The following MCPH1 variants were observed in gnomAD, a reference collection of about 807,000 sequenced individuals.
MCPH1 encodes the protein microcephalin 1, also known as microcephalin.
MCPH1 carries 104 observed loss-of-function variants against 84.5 expected under a neutral mutation model. The observed-to-expected ratio is 1.23, with a 90% CI of 1.05 to 1.45. The LOEUF is 1.45. Ranked by LOEUF, MCPH1 falls within the 40% of genes most tolerant of loss-of-function variation. The probability of loss-of-function intolerance (pLI) is 0.00; values close to 1 mark genes in which losing one functional copy is unlikely to be tolerated. For missense variants in MCPH1, 1,498 were observed against 1,005.7 expected, an observed-to-expected ratio of 1.49 and a Z score of -6.62; for synonymous variants, 514 against 366.8, an observed-to-expected ratio of 1.40 and a Z score of -4.58.
chr8:6,569,413 T>G (rs1010125756), intron 12 of MCPH1, among the ~76,000 whole-genome samples: 8 of 152,160 alleles, frequency 5.3e-5, no homozygotes, highest in Admixed American at 5.2e-4. Context: ...CCATTTCCAT[T>G]CCCCAGTGCT....
At chr8:6,444,263 C>T in intron 7 of MCPH1, 130 bp from the exon 8 acceptor site, 2 of 1,051,444 alleles carry the variant, frequency 1.9e-6, no homozygotes, top group Non-Finnish European at 2.8e-6. Context: ...ATGAGAAGAA[C>T]TCAAGTGTGG....
rs1385678252 is a variant in MCPH1, at chr8:6,445,695, G to A, written c.1825+148G>A. The stretch of plus-strand genomic sequence containing the variant: ...AGAATGTGCATTTGATCATTCCAAT[G>A]ATAAACTCTTTAGGAATAGATGACT... On this transcript the variant is annotated intron_variant, in intron 8 of 13. Transcript: ENST00000344683. 11 of 1,431,462 alleles carry A rather than the reference G, an allele frequency of 7.7e-6. No individual in the cohort carries two copies. In the African/African-American group the frequency reaches 1.0e-4, roughly 13 times the overall value. 88.7% of individuals were successfully genotyped at this position (1,431,462 alleles called of 1,614,324 possible). A position where few individuals can be genotyped will look rare whatever the true frequency, so the allele number is the denominator to read the frequency against.
At chr8:6,478,983 G>C (rs1025354384) in intron 10 of MCPH1, among the ~76,000 whole-genome samples, 2 of 152,168 alleles carry the variant, frequency 1.3e-5, no homozygotes, top group African/African-American at 4.8e-5. Flanking sequence ...AAACTAAGAA[G>C]GCTGGGTGTG....
chr8:6,497,749 T>G (rs1265675864), intron 11 of MCPH1, among the ~76,000 whole-genome samples: 9 of 152,150 alleles, frequency 5.9e-5, no homozygotes, highest in Admixed American at 5.9e-4. Flanking sequence ...TCCTCTTAAT[T>G]TTGCTATGAA....
chr8:6,538,571 C>T (rs1820929718), intron 12 of MCPH1, among the ~76,000 whole-genome samples: 1 of 152,210 alleles, frequency 6.6e-6, no homozygotes, highest in Non-Finnish European at 1.5e-5. Flanking sequence ...GTCCCAGCTG[C>T]CCAGCGGCCT....
chr8:6,425,936 A>AC lies in MCPH1; in HGVS notation c.234-5557dup, dbSNP rs564527423. ...TCTTTCGTCCAGATGCATCTCAGCC[A>AC]CCCCCCTTTTGCTGTTCCCTTAGGC... On this transcript the variant is annotated intron_variant, in intron 3 of 13. Transcript: ENST00000344683. Among the ~76,000 whole-genome samples the AC allele has an allele frequency of 3.9e-5, 6 of 152,048 alleles. No individual in the cohort carries two copies. The South Asian group carries it at 1.2e-3, about 32-fold the overall frequency.
chr8:6,445,971 T>G, intron 8 of MCPH1: 1 of 981,416 alleles, frequency 1.0e-6, no homozygotes, highest in Non-Finnish European at 1.2e-6. Flanking sequence ...TAAGGTAGAT[T>G]AAGCCATCGA....
intron 13 of MCPH1, among the ~76,000 whole-genome samples, chr8:6,622,811 T>A (rs955492530): frequency 6.6e-6 from 1 of 152,126 alleles, no homozygotes; most frequent in Non-Finnish European, 1.5e-5. Context: ...CAGATTGGAT[T>A]AGGGCTCACC....
chr8:6,524,442 A>C (rs1196242551), intron 12 of MCPH1, among the ~76,000 whole-genome samples: 3 of 152,184 alleles, frequency 2.0e-5, no homozygotes, highest in Non-Finnish European at 4.4e-5. Flanking sequence ...CGGCCATTTA[A>C]CACTGCTGTG....
In MCPH1 at chr8:6,646,369, A is replaced by C. The variant is rs768193052; in HGVS notation, c.*3320A>C. On this transcript the variant is annotated 3_prime_UTR_variant, in exon 14 of 14. Coordinates refer to ENST00000344683, the MANE Select transcript of MCPH1 (RefSeq NM_024596.5). Reference sequence around the variant, plus strand: ...ACCCAAGAGAGTCCAGCTCAAAAACAACAACAAGAACAAAAGTATCACATT... The same window carrying C: ...ACCCAAGAGAGTCCAGCTCAAAAACCACAACAAGAACAAAAGTATCACATT... 2 of 152,200 alleles carry C rather than the reference A, an allele frequency of 1.3e-5. No homozygotes were observed. The highest frequency in any genetic ancestry group is 2.9e-5 in the Non-Finnish European group (2 of 68,028). The allele number at this position is 152,200 out of a possible 1,614,324, so 9.4% of individuals were successfully genotyped here.
intron 13 of MCPH1, chr8:6,626,157 G>A (rs1195219696): frequency 1.6e-5 from 16 of 985,126 alleles, no homozygotes; most frequent in Non-Finnish European, 1.9e-5. Flanking sequence ...TTCGACCTCA[G>A]CTCTGAGGTG....
chr8:6,589,438 G>A (rs1586727143), intron 12 of MCPH1, among the ~76,000 whole-genome samples: 1 of 152,118 alleles, frequency 6.6e-6, no homozygotes, highest in Admixed American at 6.5e-5. Context: ...ATCGACGGCC[G>A]ATTTCCCACC....
chr8:6,514,647 C>G, intron 12 of MCPH1: 2 of 1,593,374 alleles, frequency 1.3e-6, no homozygotes, highest in Non-Finnish European at 1.7e-6. Context: ...AAGGGAAATT[C>G]TTTTCTGATG....
chr8:6,428,713 A>C (rs923016651), intron 3 of MCPH1, among the ~76,000 whole-genome samples: 1 of 152,284 alleles, frequency 6.6e-6, no homozygotes, highest in East Asian at 1.9e-4. Flanking sequence ...TTTATGGTGG[A>C]ATCATGTTCC....
At chr8:6,522,637 G>T (rs1313237126) in intron 12 of MCPH1, among the ~76,000 whole-genome samples, 1 of 151,756 alleles carries the variant, frequency 6.6e-6, no homozygotes, top group Non-Finnish European at 1.5e-5. Context: ...AGCCAAGCGT[G>T]GGGGTACATG....
At chr8:6,499,733 C>A in intron 11 of MCPH1, 119 bp from the exon 12 acceptor site, 1 of 810,106 alleles carries the variant, frequency 1.2e-6, no homozygotes, top group Non-Finnish European at 2.2e-6. Context: ...TCTGAGAACA[C>A]ATCTATTTCA....
intron 12 of MCPH1, among the ~76,000 whole-genome samples, chr8:6,507,111 T>G (rs1273208695): frequency 2.0e-5 from 3 of 152,206 alleles, no homozygotes; most frequent in Non-Finnish European, 4.4e-5. Flanking sequence ...TTGGCCAGGC[T>G]GGTCTCAAAC....
chr8:6,516,687 A>T (rs923399194), intron 12 of MCPH1, among the ~76,000 whole-genome samples: 1 of 152,224 alleles, frequency 6.6e-6, no homozygotes, highest in African/African-American at 2.4e-5. Context: ...CATATATTGA[A>T]GTTAATTCTG....
chr8:6,424,107 T>C (rs1180513443), intron 3 of MCPH1, among the ~76,000 whole-genome samples: 1 of 152,212 alleles, frequency 6.6e-6, no homozygotes, highest in Non-Finnish European at 1.5e-5. Flanking sequence ...AATCCCATTC[T>C]GTTGGGTTCC....
Sources: gnomAD v4.1 joint callset for allele counts (sites outside exome capture counted in the v4.1 genomes callset) on GRCh38, gnomAD v4.1.1 for gene constraint, MANE v1.5 for transcripts, NCBI Gene and HGNC (gene_info 2026-07-23, HGNC 2026-07-21) for gene names.